ZNF503: variants seen among roughly 807,000 people sequenced by gnomAD.
ZNF503 encodes NocA-like zinc finger 2.
ZNF503 carries 15 observed loss-of-function variants against 34.4 expected under a neutral mutation model. The observed-to-expected ratio is 0.44, with a 90% CI of 0.29 to 0.67. ZNF503 has a LOEUF of 0.67. Among genes scored for constraint, ZNF503 ranks in the 30% least tolerant of loss-of-function variants. The pLI is 0.13. For synonymous variants in ZNF503, 580 were observed against 456.8 expected (o/e 1.27, Z -3.44); for missense variants, 1,007 against 926.8 (o/e 1.09, Z -1.12).
chr10:75,353,278 C>T, the ZNF503 span, among the ~76,000 whole-genome samples: 6 of 152,224 alleles, frequency 3.9e-5, no homozygotes, highest in African/African-American at 7.2e-5. Context: ...TCTTCCACCA[C>T]GTTCTTTTAA....
the ZNF503 span, among the ~76,000 whole-genome samples, chr10:75,319,599 G>T: frequency 6.6e-6 from 1 of 151,948 alleles, no homozygotes; most frequent in East Asian, 1.9e-4. Flanking sequence ...AAAATAGAAA[G>T]AACAAATGAA....
At chr10:75,332,612 G>C in the ZNF503 span, among the ~76,000 whole-genome samples, 1 of 145,188 alleles carries the variant, frequency 6.9e-6, no homozygotes, top group Non-Finnish European at 1.5e-5. Flanking sequence ...CCTAGGCAGA[G>C]GACCCTGCGG....
chr10:75,363,322 T>G, the ZNF503 span, among the ~76,000 whole-genome samples: 1 of 152,136 alleles, frequency 6.6e-6, no homozygotes. Flanking sequence ...GCAGTCCCTG[T>G]GGCCAGGCCT....
the ZNF503 span, among the ~76,000 whole-genome samples, chr10:75,291,550 G>A: frequency 1.3e-5 from 2 of 152,162 alleles, no homozygotes; most frequent in Non-Finnish European, 2.9e-5. Flanking sequence ...GTTCGAGGCT[G>A]CAGTGAGCTG....
At chr10:75,397,059 G>A (rs1286641390), downstream of ZNF503, among the ~76,000 whole-genome samples, 1 of 152,188 alleles carries the variant, frequency 6.6e-6, no homozygotes, top group Non-Finnish European at 1.5e-5. Flanking sequence ...TCGCGGGGCC[G>A]CACTTGGAGG....
the ZNF503 span, among the ~76,000 whole-genome samples, chr10:75,383,390 C>T: frequency 6.6e-6 from 1 of 152,168 alleles, no homozygotes; most frequent in South Asian, 2.1e-4. Context: ...CTCCTCTTGC[C>T]TGAGTTTCCC....
At chr10:75,392,632 G>A in the ZNF503 span, among the ~76,000 whole-genome samples, 13 of 152,180 alleles carry the variant, frequency 8.5e-5, no homozygotes, top group Admixed American at 3.3e-4. Context: ...GGTGAGACAC[G>A]AGGTAGAGCA....
the ZNF503 span, among the ~76,000 whole-genome samples, chr10:75,296,910 G>C: frequency 1.4e-4 from 21 of 152,224 alleles, no homozygotes; most frequent in South Asian, 4.2e-3. Flanking sequence ...AAGCCATTTT[G>C]ACCCCTGCTA....
At chr10:75,350,314 T>G in the ZNF503 span, 23 of 152,192 alleles carry the variant, frequency 1.5e-4, no homozygotes, top group African/African-American at 5.3e-4. Flanking sequence ...TCACTGAAAC[T>G]GAACACTTTG....
rs772806840 is a variant in ZNF503, at chr10:75,399,125, T to G, written c.1565A>C (p.Asn522Thr). 3.7e-6 allele frequency: 6 copies of G among 1,613,664 alleles called. No homozygotes were observed. The highest frequency in any genetic ancestry group is 5.1e-6 in the Non-Finnish European group (6 of 1,179,790). The change falls in exon 2 of 2, where the codon AAC (asparagine) becomes ACC (threonine). Residue 522 changes from asparagine (N) to threonine (T), a missense_variant. Physicochemically the swap from Asn to Thr is moderately conservative, Grantham distance 65 (BLOSUM62 0). Coordinates refer to ENST00000372524, the MANE Select transcript of ZNF503 (RefSeq NM_032772.6). ...LPHICNWVSA[N>T]GPCDKRFATS... Reference sequence around the variant, plus strand: ...GGCGAAGCGCTTGTCGCACGGCCCGTTGGCCGACACCCAGTTGCAGATGTG... The same window carrying G: ...GGCGAAGCGCTTGTCGCACGGCCCGGTGGCCGACACCCAGTTGCAGATGTG...
At chr10:75,353,700 G>C in the ZNF503 span, among the ~76,000 whole-genome samples, 2 of 152,208 alleles carry the variant, frequency 1.3e-5, no homozygotes, top group African/African-American at 4.8e-5. Context: ...CAAACGGGCA[G>C]CTCACTGAAC....
the ZNF503 span, chr10:75,382,801 C>T: frequency 3.2e-6 from 1 of 310,772 alleles, no homozygotes; most frequent in African/African-American, 2.3e-5. Flanking sequence ...ACTCCCAAAT[C>T]CTTGCAGAAT....
At chr10:75,328,320 G>A in the ZNF503 span, among the ~76,000 whole-genome samples, 3 of 152,264 alleles carry the variant, frequency 2.0e-5, no homozygotes, top group South Asian at 6.2e-4. Context: ...TGGATATCTA[G>A]TTTTCCTAAC....
the ZNF503 span, among the ~76,000 whole-genome samples, chr10:75,328,919 G>T: frequency 6.6e-6 from 1 of 151,700 alleles, no homozygotes; most frequent in South Asian, 2.1e-4. Context: ...GCTAATTTTT[G>T]TATTTTTAGT....
At chr10:75,296,002 A>T in the ZNF503 span, among the ~76,000 whole-genome samples, 6 of 152,216 alleles carry the variant, frequency 3.9e-5, no homozygotes, top group African/African-American at 1.4e-4. Context: ...CCCGAGCAAT[A>T]CGTACAGGAA....
chr10:75,352,583 C>T, the ZNF503 span, among the ~76,000 whole-genome samples: 93 of 152,284 alleles, frequency 6.1e-4, no homozygotes, highest in Non-Finnish European at 6.8e-4. Flanking sequence ...TGTATGAATG[C>T]GTGCTGGTCT....
chr10:75,314,478 A>G, the ZNF503 span, among the ~76,000 whole-genome samples: 2 of 152,212 alleles, frequency 1.3e-5, no homozygotes, highest in Non-Finnish European at 2.9e-5. Flanking sequence ...AAGATAGGTC[A>G]TTTGAAAATA....
chr10:75,367,659 T>C, the ZNF503 span, among the ~76,000 whole-genome samples: 1 of 152,338 alleles, frequency 6.6e-6, no homozygotes, highest in South Asian at 2.1e-4. Context: ...TGGAAGTTTG[T>C]GCAGCGATTT....
At chr10:75,369,984 T>C in the ZNF503 span, among the ~76,000 whole-genome samples, 1 of 151,890 alleles carries the variant, frequency 6.6e-6, no homozygotes, top group Non-Finnish European at 1.5e-5. Flanking sequence ...GGAGAATCGC[T>C]TGAACCCGGG....
Sources: allele counts gnomAD v4.1 joint callset (sites outside exome capture counted in the v4.1 genomes callset), GRCh38; gene constraint gnomAD v4.1.1; transcripts MANE v1.5; gene names NCBI Gene and HGNC (gene_info 2026-07-23, HGNC 2026-07-21).